The following NLRP5 variants were observed in gnomAD, a reference collection of about 807,000 sequenced individuals.
NLRP5 encodes NLR family pyrin domain containing 5.
Under a neutral mutation model 113.1 loss-of-function variants are expected in NLRP5, and 93 were observed. The ratio of observed to expected loss-of-function variants is 0.82; its 90% confidence interval spans 0.70 to 0.98. NLRP5 has a LOEUF of 0.98. NLRP5 is among the 50% of genes least tolerant of loss of function. NLRP5 has a pLI of 0.00. For missense variants in NLRP5, 1,808 were observed against 1,514.3 expected, an observed-to-expected ratio of 1.19 and a Z score of -3.22; for synonymous variants, 751 against 600.7, an observed-to-expected ratio of 1.25 and a Z score of -3.66.
At chr19:55,987,948 T>G in the NLRP5 span, 1 of 1,502,782 alleles carries the variant, frequency 6.7e-7, no homozygotes, top group South Asian at 1.1e-5. Context: ...GCTTGATTGA[T>G]CAGTTCCCAC....
chr19:56,000,521 C>T (rs990666887), intron 1 of NLRP5, among the ~76,000 whole-genome samples: 69 of 151,850 alleles, frequency 4.5e-4, no homozygotes, highest in African/African-American at 1.4e-3. Flanking sequence ...CCCGCCACCA[C>T]GCCCGGCTAA....
chr19:56,020,042 G>A (rs1473479362), intron 5 of NLRP5, among the ~76,000 whole-genome samples: 1 of 151,798 alleles, frequency 6.6e-6, no homozygotes, highest in East Asian at 1.9e-4. Context: ...TCACCATATT[G>A]GCCAAGCTGG....
chr19:56,058,028 C>CAAA lies in NLRP5; in HGVS notation c.3300-198_3300-196dup, dbSNP rs10659776. Among the ~76,000 whole-genome samples, 1,003 of 115,656 alleles carry CAAA rather than the reference C, an allele frequency of 8.7e-3. 18 individuals carry two copies. The highest frequency in any genetic ancestry group is 0.022 in the African/African-American group (699 of 31,778). The allele number at this position is 115,656 out of a possible 152,430, so 75.9% of individuals were successfully genotyped here. A position where few individuals can be genotyped will look rare whatever the true frequency, so the allele number is the denominator to read the frequency against. ...GGGCAACAAGAGTGAAATGCTATCT[C>CAAA]AAAAAAAAAAAAAAAAGGCGAATAT... is the stretch of plus-strand genomic sequence containing the variant. On this transcript the variant is annotated intron_variant, in intron 13 of 14. Transcript: ENST00000390649.
intron 6 of NLRP5, among the ~76,000 whole-genome samples, chr19:56,026,025 C>T (rs1378702937): frequency 6.6e-6 from 1 of 152,068 alleles, no homozygotes; most frequent in Admixed American, 6.5e-5. Context: ...ATCAGGTCCC[C>T]AGTGCAAAAA....
chr19:56,032,214 A>G (rs1443964095), intron 7 of NLRP5, among the ~76,000 whole-genome samples: 3 of 152,206 alleles, frequency 2.0e-5, no homozygotes, highest in South Asian at 4.1e-4. Context: ...GCATGATGGC[A>G]TGCGCCTGTA....
chr19:56,016,921 G>A (rs965909357), intron 4 of NLRP5, among the ~76,000 whole-genome samples: 2 of 152,066 alleles, frequency 1.3e-5, no homozygotes, highest in African/African-American at 4.8e-5. Context: ...TGATTCTCCT[G>A]CCTCAGCCTC....
Position 56,003,725 on chromosome 19 carries a change from T to C in NLRP5, c.72T>C (p.Thr24=). The C allele has an allele frequency of 6.3e-7, 1 of 1,597,480 alleles. No individual in the cohort carries two copies. Among genetic ancestry groups the C allele is most frequent in the South Asian group, 1.1e-5 (1 of 88,370 alleles). Reference sequence around the variant, plus strand: ...AAGATCCTCTTTTAAGTCTTGTCACTCTTTCCACAGGTCCTACTTGCTCTA... The same window carrying C: ...AAGATCCTCTTTTAAGTCTTGTCACCCTTTCCACAGGTCCTACTTGCTCTA... Residue 24 remains threonine, a synonymous_variant, in exon 2 of 15, where the codon ACT becomes ACC. Transcript: ENST00000390649.
chr19:56,021,064 G>T (rs889235215), intron 6 of NLRP5, among the ~76,000 whole-genome samples: 5 of 151,910 alleles, frequency 3.3e-5, no homozygotes. Flanking sequence ...TAGAGATGGG[G>T]TTTCACCATA....
intron 12 of NLRP5, among the ~76,000 whole-genome samples, chr19:56,052,235 G>GGTTTT (rs199544893): frequency 5.0e-4 from 76 of 151,640 alleles, no homozygotes; most frequent in Non-Finnish European, 1.0e-3. Flanking sequence ...GTTTTGGTGG[G>GGTTTT]GTTTTGTTTT....
chr19:56,045,247 G>C (rs1983679697), intron 11 of NLRP5, among the ~76,000 whole-genome samples: 2 of 152,254 alleles, frequency 1.3e-5, no homozygotes, highest in South Asian at 4.1e-4. Flanking sequence ...GTGTTGAAGA[G>C]GAGTAGTGAG....
At position 56,027,556 on chromosome 19, in the gene NLRP5, C is replaced by T; in HGVS notation, c.1323C>T (p.Leu441=). 1.2e-6 allele frequency: 2 copies of T among 1,613,990 alleles called. No homozygotes were observed. Among genetic ancestry groups the T allele is most frequent in the Non-Finnish European group, 8.5e-7 (1 of 1,179,890 alleles). Residue 441 remains leucine, a synonymous_variant, in exon 7 of 15, where the codon CTC becomes CTT. Coordinates refer to ENST00000390649, the MANE Select transcript of NLRP5 (RefSeq NM_153447.4). ...CCGGGGAACAAAGAATCCACTTGCT[C>T]CTTGAGCGCGGGATTGGTGAGCATC... is the stretch of plus-strand genomic sequence containing the variant.
chr19:56,058,456 T>A, intron 14 of NLRP5, 46 bp downstream of exon 14: 1 of 1,529,354 alleles, frequency 6.5e-7, no homozygotes, highest in South Asian at 1.2e-5. Flanking sequence ...CTGCTTCTGT[T>A]CCAGGCTTGT....
In NLRP5 at chr19:56,038,417, G is replaced by A. The variant is rs34614759; in HGVS notation, c.2786+222G>A. 8.7e-3 allele frequency among the ~76,000 whole-genome samples: 1,322 copies of A among 152,286 alleles called. 11 individuals carry two copies. Among genetic ancestry groups the A allele is most frequent in the South Asian group, 0.032 (153 of 4,828 alleles). On this transcript the variant is annotated intron_variant, in intron 10 of 14. Transcript: ENST00000390649. ...CTCTAAATGGAGATAAAAGGTGGAC[G>A]CGGGAATCAGCCAGGTGGAAATTGC...
chr19:56,037,964 G>C (rs1599900812), intron 9 of NLRP5, 61 bp from the exon 10 acceptor site: 1 of 1,570,218 alleles, frequency 6.4e-7, no homozygotes, highest in East Asian at 2.2e-5. Context: ...GTGCTGAGTA[G>C]AGGGGAAATG....
At chr19:56,013,596 G>GTTTTTTTTGTTTTTTTTTT (rs1982287601) in intron 3 of NLRP5, among the ~76,000 whole-genome samples, 1 of 59,284 alleles carries the variant, frequency 1.7e-5, no homozygotes, top group East Asian at 4.8e-4. Context: ...GGACATTTGG[G>GTTTTTTTTGTTTTTTTTTT]TTTTTTTTTT....
At chr19:56,019,536 T>C (rs1028131875) in intron 5 of NLRP5, 138 bp downstream of exon 5, 6 of 921,068 alleles carry the variant, frequency 6.5e-6, no homozygotes, top group Non-Finnish European at 8.4e-6. Context: ...GTCAACCCCT[T>C]CCCTTCAAGC....
chr19:56,025,291 A>G (rs943528299), intron 6 of NLRP5, among the ~76,000 whole-genome samples: 1 of 152,080 alleles, frequency 6.6e-6, no homozygotes, highest in African/African-American at 2.4e-5. Context: ...CTTCCACAAA[A>G]CCGGTCCCTG....
At chr19:56,040,863 A>T in intron 10 of NLRP5, 59 bp from the exon 11 acceptor site, 5 of 1,429,450 alleles carry the variant, frequency 3.5e-6, no homozygotes, top group Non-Finnish European at 4.9e-6. Flanking sequence ...TAAAGGAGGG[A>T]AAGATGGAAC....
intron 9 of NLRP5, among the ~76,000 whole-genome samples, chr19:56,036,103 G>A (rs867832646): frequency 1.9e-5 from 2 of 106,616 alleles, no homozygotes; most frequent in Non-Finnish European, 3.4e-5. Context: ...TTGCTCTGTT[G>A]CCCAGGCTGG....
Sources: allele counts gnomAD v4.1 joint callset (sites outside exome capture counted in the v4.1 genomes callset), GRCh38; gene constraint gnomAD v4.1.1; transcripts MANE v1.5; gene names NCBI Gene and HGNC (gene_info 2026-07-23, HGNC 2026-07-21).